Variants in MTMR7 observed in about 807,000 individuals in gnomAD.
MTMR7 encodes phosphatidylinositol-3-phosphate phosphatase MTMR7.
A neutral mutation model predicts 81.2 loss-of-function variants in MTMR7; 76 were observed. The ratio of observed to expected loss-of-function variants is 0.94; its 90% CI spans 0.78 to 1.13. The LOEUF (loss-of-function observed/expected upper bound fraction) is 1.13. Ranked by LOEUF, MTMR7 falls within the 50% of genes most tolerant of loss-of-function variation. MTMR7 has a pLI of 0.00. For synonymous variants in MTMR7, 372 were observed against 289.8 expected (o/e 1.28, Z -2.88); for missense variants, 1,044 against 820.0 (o/e 1.27, Z -3.34).
intron 1 of MTMR7, among the ~76,000 whole-genome samples, chr8:17,404,960 G>A (rs1821535228): frequency 6.6e-6 from 1 of 152,160 alleles, no homozygotes; most frequent in Non-Finnish European, 1.5e-5. Flanking sequence ...AGAGTAGCTA[G>A]GATTACAAGC....
At chr8:17,377,530 T>C (rs769030419) in intron 1 of MTMR7, among the ~76,000 whole-genome samples, 1 of 152,160 alleles carries the variant, frequency 6.6e-6, no homozygotes, top group Non-Finnish European at 1.5e-5. Flanking sequence ...TGTTAATTTC[T>C]GGTTCCTTAA....
In MTMR7 at chr8:17,353,328, T is replaced by C. The variant is rs544248133; in HGVS notation, c.469-4247A>G. Among the ~76,000 whole-genome samples the C allele has an allele frequency of 9.2e-5, 14 of 152,274 alleles. 1 individual carries two copies. The East Asian group carries it at 2.7e-3, about 29-fold the overall frequency. ...TTGTTTAATGGGTATAGAGTATCAGTTCTGGAGTTGAAAAGTTCCAGAGAT... is the reference window on the plus strand; with the variant it reads ...TTGTTTAATGGGTATAGAGTATCAGCTCTGGAGTTGAAAAGTTCCAGAGAT... On this transcript the variant is annotated intron_variant, in intron 4 of 13. Transcript: ENST00000180173.
intron 4 of MTMR7, among the ~76,000 whole-genome samples, chr8:17,355,663 A>G (rs1359577069): frequency 6.6e-6 from 1 of 152,194 alleles, no homozygotes; most frequent in Non-Finnish European, 1.5e-5. Flanking sequence ...AGTGTATCAG[A>G]ATCTCCTGAG....
At chr8:17,304,246 A>G (rs1586137089) in intron 12 of MTMR7, 133 bp downstream of exon 12, 4 of 931,356 alleles carry the variant, frequency 4.3e-6, no homozygotes, top group East Asian at 5.3e-5. Context: ...ATATTCAAGC[A>G]TCTCCCTCTG....
chr8:17,358,326 G>A (rs570670850), intron 4 of MTMR7, among the ~76,000 whole-genome samples: 1 of 152,202 alleles, frequency 6.6e-6, no homozygotes, highest in South Asian at 2.1e-4. Context: ...AGGGATATGT[G>A]AAACTGACAA....
chr8:17,349,424 G>A (rs59401678), intron 4 of MTMR7: 14,450 of 196,602 alleles, frequency 0.073, 1,147 homozygotes, highest in East Asian at 0.32. Flanking sequence ...GAAAATCTGA[G>A]CTGCCAGGAT....
At chr8:17,363,575 G>A (rs535501437) in intron 3 of MTMR7, among the ~76,000 whole-genome samples, 7 of 152,216 alleles carry the variant, frequency 4.6e-5, no homozygotes, top group Admixed American at 3.9e-4. Flanking sequence ...CTTAGGATGG[G>A]TTGACACTGA....
At chr8:17,395,005 C>G (rs556582856) in intron 1 of MTMR7, among the ~76,000 whole-genome samples, 105 of 152,248 alleles carry the variant, frequency 6.9e-4, no homozygotes, top group African/African-American at 2.4e-3. Flanking sequence ...GTGTAACCAT[C>G]ACCACTATCA....
At chr8:17,385,080 C>T (rs2150574547) in intron 1 of MTMR7, among the ~76,000 whole-genome samples, 1 of 152,286 alleles carries the variant, frequency 6.6e-6, no homozygotes, top group South Asian at 2.1e-4. Context: ...CTGCCTAAAA[C>T]AATTAATTCT....
At chr8:17,330,410 C>A (rs994411371) in intron 7 of MTMR7, among the ~76,000 whole-genome samples, 1 of 152,210 alleles carries the variant, frequency 6.6e-6, no homozygotes, top group Non-Finnish European at 1.5e-5. Flanking sequence ...TTTCCCAGTT[C>A]GCAGAGCCGG....
chr8:17,298,631 G>A lies in MTMR7; in HGVS notation c.*1231C>T, dbSNP rs1440807359. 2.6e-5 allele frequency: 4 copies of A among 152,206 alleles called. No individual in the cohort carries two copies. The East Asian group carries it at 7.7e-4, about 29-fold the overall frequency. The allele number at this position is 152,206 out of a possible 1,614,324, so 9.4% of individuals were successfully genotyped here. On this transcript the variant is annotated 3_prime_UTR_variant, in exon 14 of 14. Transcript: ENST00000180173. ...CATATTCAAAATATTGATCTAAATT[G>A]TAAAGTTTAATCCTTTTACATTCTA...
Position 17,371,184 on chromosome 8 carries a change from T to A in MTMR7, c.163A>T (p.Ile55Phe). ...RKETWILHSQ[I>F]STIEKQATTA... Reference sequence around the variant, plus strand: ...GTTGCCTGTTTCTCAATGGTGGAAATCTGACTGTGAAGAATCTAGAACCAA... The same window carrying A: ...GTTGCCTGTTTCTCAATGGTGGAAAACTGACTGTGAAGAATCTAGAACCAA... Residue 55 changes from isoleucine to phenylalanine, a missense_variant, in exon 3 of 14, where the codon ATT (isoleucine) becomes TTT (phenylalanine). Ile to Phe is a conservative substitution (Grantham distance 21). Transcript: ENST00000180173. 2 of 1,614,068 alleles carry A rather than the reference T, an allele frequency of 1.2e-6. No homozygotes were observed. Among genetic ancestry groups the A allele is most frequent in the Non-Finnish European group, 1.7e-6 (2 of 1,180,000 alleles).
chr8:17,348,884 C>T (rs1157032435), intron 5 of MTMR7, 69 bp downstream of exon 5: 1 of 1,582,940 alleles, frequency 6.3e-7, no homozygotes, highest in African/African-American at 1.4e-5. Flanking sequence ...CAGAAGGCAG[C>T]TAGAAAATGC....
At chr8:17,354,127 G>A (rs1819815933) in intron 4 of MTMR7, among the ~76,000 whole-genome samples, 1 of 152,160 alleles carries the variant, frequency 6.6e-6, no homozygotes, top group Non-Finnish European at 1.5e-5. Context: ...TGTAGGGTAA[G>A]AGTTGTCAGA....
At chr8:17,372,504 C>T (rs1820449071) in intron 2 of MTMR7, among the ~76,000 whole-genome samples, 2 of 152,128 alleles carry the variant, frequency 1.3e-5, no homozygotes, top group African/African-American at 4.8e-5. Flanking sequence ...AGGAGAATCA[C>T]TTGAACCCAG....
intron 5 of MTMR7, among the ~76,000 whole-genome samples, chr8:17,343,660 C>A (rs533998150): frequency 6.6e-6 from 1 of 152,166 alleles, no homozygotes; most frequent in Non-Finnish European, 1.5e-5. Flanking sequence ...AGGAACTATA[C>A]TGGAACTGTT....
intron 3 of MTMR7, among the ~76,000 whole-genome samples, chr8:17,362,588 G>C (rs911578975): frequency 1.3e-5 from 2 of 152,112 alleles, no homozygotes; most frequent in Non-Finnish European, 2.9e-5. Flanking sequence ...GAGACATCTG[G>C]CTGCAGAAGG....
chr8:17,349,254 G>A (rs17587547), intron 4 of MTMR7, 173 bp from the exon 5 acceptor site: 67,664 of 641,816 alleles, frequency 0.11, 4,591 homozygotes, highest in Non-Finnish European at 0.14. Flanking sequence ...AGGAAGTGCC[G>A]CTGATTCTAT....
At chr8:17,311,877 C>G (rs1488860951) in intron 8 of MTMR7, 1 of 512,926 alleles carries the variant, frequency 1.9e-6, no homozygotes, top group Non-Finnish European at 3.5e-6. Flanking sequence ...CTCCAATAAG[C>G]GCATGTACTT....
Sources: allele counts gnomAD v4.1 joint callset (sites outside exome capture counted in the v4.1 genomes callset), GRCh38; gene constraint gnomAD v4.1.1; transcripts MANE v1.5; gene names NCBI Gene and HGNC (gene_info 2026-07-23, HGNC 2026-07-21).